Variants in ENTREP2 observed in about 807,000 individuals in gnomAD.
ENTREP2 encodes the protein protein ENTREP2.
the ENTREP2 span, among the ~76,000 whole-genome samples, chr15:29,303,839 G>A: frequency 2.6e-5 from 4 of 151,950 alleles, no homozygotes; most frequent in South Asian, 4.2e-4. Context: ...TCTTTCTTAC[G>A]GCTGCATAGT....
At chr15:29,441,720 T>C in the ENTREP2 span, among the ~76,000 whole-genome samples, 5 of 152,086 alleles carry the variant, frequency 3.3e-5, no homozygotes, top group African/African-American at 1.2e-4. Flanking sequence ...TCCCCCCAAA[T>C]TGCCCTGTAT....
chr15:29,552,915 C>T, the ENTREP2 span, among the ~76,000 whole-genome samples: 3 of 152,246 alleles, frequency 2.0e-5, no homozygotes, highest in African/African-American at 7.2e-5. Context: ...GTGGGCAGAA[C>T]CTACATGAAG....
the ENTREP2 span, among the ~76,000 whole-genome samples, chr15:29,472,613 C>T: frequency 6.6e-6 from 1 of 152,118 alleles, no homozygotes; most frequent in Admixed American, 6.5e-5. Flanking sequence ...TACAGGCTCC[C>T]CCCACCACGC....
the ENTREP2 span, among the ~76,000 whole-genome samples, chr15:29,166,643 AC>A: frequency 0.011 from 1,717 of 152,266 alleles, 38 homozygotes; most frequent in African/African-American, 0.039. Flanking sequence ...AAGAAAAACT[AC>A]AAAACACTGC....
the ENTREP2 span, among the ~76,000 whole-genome samples, chr15:29,274,040 C>T: frequency 6.6e-6 from 1 of 152,166 alleles, no homozygotes; most frequent in African/African-American, 2.4e-5. Flanking sequence ...TTAATTCTGT[C>T]CCTCTAGAGA....
the ENTREP2 span, among the ~76,000 whole-genome samples, chr15:29,130,244 G>A: frequency 1.5e-3 from 226 of 152,204 alleles, no homozygotes; most frequent in African/African-American, 4.3e-3. Flanking sequence ...CGCATAATAC[G>A]GTCCATACTA....
chr15:29,242,813 G>A, the ENTREP2 span, among the ~76,000 whole-genome samples: 1 of 152,246 alleles, frequency 6.6e-6, no homozygotes, highest in Non-Finnish European at 1.5e-5. Context: ...CTTGGACGAG[G>A]GCTGAGGGAA....
At chr15:29,254,202 T>G in the ENTREP2 span, among the ~76,000 whole-genome samples, 2 of 146,826 alleles carry the variant, frequency 1.4e-5, no homozygotes, top group Non-Finnish European at 3.0e-5. Context: ...TCACTGGATA[T>G]TCTGTCTAAT....
At chr15:29,469,803 A>G in the ENTREP2 span, among the ~76,000 whole-genome samples, 1 of 152,156 alleles carries the variant, frequency 6.6e-6, no homozygotes, top group South Asian at 2.1e-4. Flanking sequence ...CCTCCCTTCC[A>G]GCTCCAAAGG....
the ENTREP2 span, among the ~76,000 whole-genome samples, chr15:29,278,591 C>T: frequency 6.6e-6 from 1 of 152,140 alleles, no homozygotes; most frequent in Non-Finnish European, 1.5e-5. Context: ...TCTGATGCAT[C>T]GTGACCATAA....
At chr15:29,631,646 C>A in the ENTREP2 span, among the ~76,000 whole-genome samples, 1 of 152,246 alleles carries the variant, frequency 6.6e-6, no homozygotes, top group Non-Finnish European at 1.5e-5. Context: ...CTGCGCCAGA[C>A]CTTCTAGGCA....
the ENTREP2 span, chr15:29,570,830 C>G: frequency 5.9e-6 from 2 of 339,410 alleles, no homozygotes; most frequent in Non-Finnish European, 8.2e-6. Context: ...CAGGGACGGC[C>G]TCCCAGCCGG....
the ENTREP2 span, among the ~76,000 whole-genome samples, chr15:29,607,798 G>GGATAGACAGATA: frequency 6.7e-6 from 1 of 149,834 alleles, no homozygotes; most frequent in South Asian, 2.1e-4. Flanking sequence ...TAGAATAGAG[G>GGATAGACAGATA]GATAGATAGA....
the ENTREP2 span, among the ~76,000 whole-genome samples, chr15:29,442,233 C>T: frequency 6.6e-6 from 1 of 152,172 alleles, no homozygotes; most frequent in Non-Finnish European, 1.5e-5. Context: ...GTTATAAAAA[C>T]TGGTATGGGG....
At chr15:29,186,861 C>T in the ENTREP2 span, among the ~76,000 whole-genome samples, 3 of 152,150 alleles carry the variant, frequency 2.0e-5, no homozygotes, top group African/African-American at 7.2e-5. Flanking sequence ...GCAAGTGATG[C>T]ATTGGCCATT....
the ENTREP2 span, among the ~76,000 whole-genome samples, chr15:29,578,801 A>T: frequency 2.1e-5 from 3 of 145,560 alleles, no homozygotes; most frequent in African/African-American, 7.8e-5. Flanking sequence ...CTAATTCTGT[A>T]TCTTAAACTA....
At chr15:29,472,472 CAT>C in the ENTREP2 span, among the ~76,000 whole-genome samples, 167 of 120,768 alleles carry the variant, frequency 1.4e-3, 1 homozygote, top group African/African-American at 5.9e-3. Flanking sequence ...CACACACACA[CAT>C]ATAAATTTGA....
At chr15:29,416,109 C>T in the ENTREP2 span, among the ~76,000 whole-genome samples, 30 of 152,284 alleles carry the variant, frequency 2.0e-4, no homozygotes, top group East Asian at 5.6e-3. Flanking sequence ...CCCCATCAAG[C>T]TACCAATGGC....
At chr15:29,222,457 C>T in the ENTREP2 span, among the ~76,000 whole-genome samples, 1 of 152,174 alleles carries the variant, frequency 6.6e-6, no homozygotes, top group African/African-American at 2.4e-5. Flanking sequence ...ACTCTATGGG[C>T]TCGCCTCTAA....
Sources: gnomAD v4.1 joint callset for allele counts (sites outside exome capture counted in the v4.1 genomes callset) on GRCh38, gnomAD v4.1.1 for gene constraint, MANE v1.5 for transcripts, NCBI Gene and HGNC (gene_info 2026-07-23, HGNC 2026-07-21) for gene names.